EGLN1: variants seen among roughly 807,000 people sequenced by gnomAD.
EGLN1 encodes the protein egl nine homolog 1.
Under a neutral mutation model 38.3 loss-of-function variants are expected in EGLN1, and 17 were observed. The observed-to-expected ratio is 0.44, with a 90% CI of 0.30 to 0.67. The LOEUF is 0.67. Among genes scored for constraint, EGLN1 ranks in the 30% least tolerant of loss-of-function variants. The pLI is 0.08. For synonymous variants in EGLN1, 283 were observed against 257.5 expected, an observed-to-expected ratio of 1.10 and a Z score of -0.95; for missense variants, 477 against 603.3, an observed-to-expected ratio of 0.79 and a Z score of 2.19.
At chr1:231,391,522 T>C (rs1359201174) in intron 1 of EGLN1, among the ~76,000 whole-genome samples, 3 of 152,088 alleles carry the variant, frequency 2.0e-5, no homozygotes, top group Non-Finnish European at 4.4e-5. Context: ...AAAAATATAA[T>C]TGGCACCGCA....
intron 1 of EGLN1, among the ~76,000 whole-genome samples, chr1:231,416,189 G>A (rs1165516933): frequency 6.6e-6 from 1 of 151,584 alleles, no homozygotes; most frequent in Non-Finnish European, 1.5e-5. Flanking sequence ...ATAGAGATGA[G>A]GTATTGCCAT....
intron 1 of EGLN1, among the ~76,000 whole-genome samples, chr1:231,396,086 AC>A (rs1221812273): frequency 6.6e-6 from 1 of 150,786 alleles, no homozygotes; most frequent in African/African-American, 2.4e-5. Context: ...ATCCTAATTA[AC>A]CCTCTCTATA....
intron 1 of EGLN1, 76 bp from the exon 2 acceptor site, chr1:231,374,175 T>C (rs1687897751): frequency 5.0e-6 from 7 of 1,397,464 alleles, no homozygotes; most frequent in Non-Finnish European, 7.1e-6. Context: ...ATCAGATCTC[T>C]GATTTTTGGC....
intron 3 of EGLN1, 54 bp downstream of exon 3, chr1:231,370,508 T>C: frequency 6.3e-7 from 1 of 1,590,884 alleles, no homozygotes; most frequent in Non-Finnish European, 8.6e-7. Context: ...ACTCTACAGA[T>C]TCCCTCCTGT....
chr1:231,368,758 T>C (rs1449647677), intron 3 of EGLN1, among the ~76,000 whole-genome samples: 1 of 152,154 alleles, frequency 6.6e-6, no homozygotes, highest in East Asian at 1.9e-4. Flanking sequence ...ATAATGTATT[T>C]TGAAGTAAAG....
intron 1 of EGLN1, among the ~76,000 whole-genome samples, chr1:231,406,069 G>A (rs1392884817): frequency 7.2e-6 from 1 of 138,472 alleles, no homozygotes; most frequent in South Asian, 2.3e-4. Context: ...GGCTGAGGCA[G>A]GAGAATGGCA....
chr1:231,405,460 A>G (rs1381544421), intron 1 of EGLN1, among the ~76,000 whole-genome samples: 1 of 152,102 alleles, frequency 6.6e-6, no homozygotes, highest in Admixed American at 6.5e-5. Flanking sequence ...TACAGGTGTG[A>G]GCCACCATGC....
intron 1 of EGLN1, among the ~76,000 whole-genome samples, chr1:231,383,157 G>T (rs1415930922): frequency 6.7e-6 from 1 of 150,016 alleles, no homozygotes; most frequent in Non-Finnish European, 1.5e-5. Flanking sequence ...GTATTTTTGT[G>T]CTTGCTTCCT....
chr1:231,421,429 A>C lies in EGLN1; in HGVS notation c.460T>G (p.Ser154Ala). The C allele has an allele frequency of 1.3e-6, 2 of 1,559,202 alleles. No homozygotes were observed. The highest frequency in any genetic ancestry group is 1.7e-6 in the Non-Finnish European group (2 of 1,150,164). Residue 154 changes from serine to alanine, a missense_variant, in exon 1 of 5, where the codon TCG (serine) becomes GCG (alanine). Ser to Ala is a moderately conservative substitution (Grantham distance 99). Transcript: ENST00000366641. The surrounding 1 kb of genome is among the most constrained non-coding windows in gnomAD (Gnocchi z 5.5). ...PGKEEPPARS[S>A]LFQEKANLYP... is the part of the protein sequence containing the mutation. ...AGGTTCGCCTTCTCCTGGAACAGCG[A>C]TGAGCGGGCCGGCGGCTCCTCCTTG...
chr1:231,414,212 G>A (rs376106305), intron 1 of EGLN1, among the ~76,000 whole-genome samples: 17 of 152,314 alleles, frequency 1.1e-4, no homozygotes, highest in African/African-American at 4.1e-4. Flanking sequence ...AAGGTGGAAT[G>A]TAAGCACAGA....
At chr1:231,370,517 G>T in intron 3 of EGLN1, 45 bp downstream of exon 3, 1 of 1,605,514 alleles carries the variant, frequency 6.2e-7, no homozygotes, top group East Asian at 2.2e-5. Context: ...ATTCCCTCCT[G>T]TCCTACCATA....
intron 1 of EGLN1, among the ~76,000 whole-genome samples, chr1:231,393,709 C>A (rs962652215): frequency 6.6e-6 from 1 of 152,124 alleles, no homozygotes; most frequent in African/African-American, 2.4e-5. Flanking sequence ...CCTATCCAAC[C>A]TCAAATTCAA....
intron 1 of EGLN1, among the ~76,000 whole-genome samples, chr1:231,413,872 C>T (rs1406078595): frequency 6.6e-6 from 1 of 150,506 alleles, no homozygotes; most frequent in African/African-American, 2.5e-5. Flanking sequence ...GAATTCCAAA[C>T]TCATGAAAAC....
chr1:231,370,446 G>A (rs1687792265), intron 3 of EGLN1, 116 bp downstream of exon 3: 8 of 1,072,260 alleles, frequency 7.5e-6, no homozygotes, highest in Non-Finnish European at 1.1e-5. Flanking sequence ...AAATTAAAAT[G>A]ACTGTGAAAA....
chr1:231,392,710 T>C (rs1029657468), intron 1 of EGLN1, among the ~76,000 whole-genome samples: 16 of 152,202 alleles, frequency 1.1e-4, no homozygotes, highest in Admixed American at 3.3e-4. Context: ...ACCTGGTACC[T>C]AGTAAGCATC....
At chr1:231,377,912 A>G (rs1401172279) in intron 1 of EGLN1, among the ~76,000 whole-genome samples, 1 of 152,248 alleles carries the variant, frequency 6.6e-6, no homozygotes, top group African/African-American at 2.4e-5. Flanking sequence ...CAGAGTAAAG[A>G]AAAGTTTTAA....
intron 1 of EGLN1, among the ~76,000 whole-genome samples, chr1:231,412,491 G>GAATCAAGA (rs1206855213): frequency 1.3e-5 from 2 of 152,068 alleles, no homozygotes; most frequent in African/African-American, 4.8e-5. Context: ...TTCTTTTTAC[G>GAATCAAGA]TGGATTCACA....
chr1:231,393,895 T>C (rs1300431024), intron 1 of EGLN1, among the ~76,000 whole-genome samples: 1 of 152,204 alleles, frequency 6.6e-6, no homozygotes, highest in Non-Finnish European at 1.5e-5. Context: ...TTTCCTGTTA[T>C]CTAATCAGTC....
At chr1:231,383,057 CAAAAAAAAAAA>C (rs547747077) in intron 1 of EGLN1, among the ~76,000 whole-genome samples, 17 of 70,554 alleles carry the variant, frequency 2.4e-4, no homozygotes, top group East Asian at 2.2e-3. Flanking sequence ...AACTCTGTCT[CAAAAAAAAAAA>C]AAAAAAAAAA....
Sources: gnomAD v4.1 joint callset for allele counts (sites outside exome capture counted in the v4.1 genomes callset) on GRCh38, gnomAD v4.1.1 for gene constraint, Gnocchi (gnomAD v3.1) non-coding constraint, MANE v1.5 for transcripts, NCBI Gene and HGNC (gene_info 2026-07-23, HGNC 2026-07-21) for gene names.